Variants in GNA14 observed in about 807,000 individuals in gnomAD.
The protein encoded by GNA14 is guanine nucleotide-binding protein subunit alpha-14.
A neutral mutation model predicts 42.0 loss-of-function variants in GNA14; 50 were observed. The observed-to-expected ratio is 1.19, with a 90% CI of 0.95 to 1.51. GNA14 has a LOEUF of 1.51. Ranked by LOEUF, GNA14 falls within the 40% of genes most tolerant of loss-of-function variation. The pLI is 0.00. For synonymous variants in GNA14, 173 were observed against 163.1 expected (o/e 1.06, Z -0.46); for missense variants, 473 against 446.2 (o/e 1.06, Z -0.54).
intron 1 of GNA14, among the ~76,000 whole-genome samples, chr9:77,574,579 T>C (rs1823102689): frequency 6.6e-6 from 1 of 152,216 alleles, no homozygotes. Flanking sequence ...ATTTCTTTTT[T>C]CACTTAAAAT....
At chr9:77,473,031 A>G (rs1409315849) in intron 2 of GNA14, among the ~76,000 whole-genome samples, 3 of 152,256 alleles carry the variant, frequency 2.0e-5, no homozygotes, top group African/African-American at 7.2e-5. Context: ...TCAACATTCC[A>G]AAAATGAAAT....
rs58793395 is a variant in GNA14, at chr9:77,590,495, G to A, written c.124+57175C>T. 3.8e-3 allele frequency among the ~76,000 whole-genome samples: 581 copies of A among 152,252 alleles called. 2 individuals are homozygous for A. The highest frequency in any genetic ancestry group is 0.013 in the African/African-American group (552 of 41,526). The stretch of plus-strand genomic sequence containing the variant: ...ATCTGCTGGGAAAATGGCATGGCAT[G>A]GCTACCAGGTGTCCCACATATTCCA... On this transcript the variant is annotated intron_variant, in intron 1 of 6. Transcript: ENST00000341700.
chr9:77,500,687 A>G (rs1836951855), intron 2 of GNA14, among the ~76,000 whole-genome samples: 1 of 152,218 alleles, frequency 6.6e-6, no homozygotes, highest in African/African-American at 2.4e-5. Context: ...ATATATACAA[A>G]TGAAATCATA....
chr9:77,570,056 C>T (rs777000827), intron 1 of GNA14, among the ~76,000 whole-genome samples: 36 of 152,156 alleles, frequency 2.4e-4, no homozygotes, highest in Non-Finnish European at 3.8e-4. Context: ...TGAGCCACCA[C>T]GCAAAAATCA....
At chr9:77,427,393 G>A (rs960172216) in intron 5 of GNA14, among the ~76,000 whole-genome samples, 2 of 151,276 alleles carry the variant, frequency 1.3e-5, no homozygotes, top group African/African-American at 2.4e-5. Context: ...TTTGCACAAT[G>A]ACACAATTAA....
chr9:77,611,879 A>T (rs749764783), intron 1 of GNA14, among the ~76,000 whole-genome samples: 1 of 152,134 alleles, frequency 6.6e-6, no homozygotes, highest in Admixed American at 6.6e-5. Context: ...ACCATTGTGG[A>T]CACAAATACA....
chr9:77,468,180 G>T (rs772268725), intron 2 of GNA14, among the ~76,000 whole-genome samples: 2 of 152,140 alleles, frequency 1.3e-5, no homozygotes, highest in African/African-American at 4.8e-5. Context: ...TGGACATGGG[G>T]GCAGGGGCAT....
chr9:77,559,252 T>A (rs1291491700), intron 1 of GNA14, among the ~76,000 whole-genome samples: 1 of 152,178 alleles, frequency 6.6e-6, no homozygotes, highest in Non-Finnish European at 1.5e-5. Context: ...CCCAGAGGCA[T>A]CTCCTTGGAG....
In GNA14 at chr9:77,589,053, G is replaced by T. The variant is rs528859266; in HGVS notation, c.124+58617C>A. ...CTTTATTTATATTCCATTTCATACA[G>T]ACCCTTCAATGTATTTTTAAAAATC... On this transcript the variant is annotated intron_variant, in intron 1 of 6. Transcript: ENST00000341700. Among the ~76,000 whole-genome samples the T allele has an allele frequency of 2.0e-5, 3 of 152,264 alleles. No individual in the cohort carries two copies. In the South Asian group the frequency reaches 6.2e-4, roughly 32 times the overall value.
intron 2 of GNA14, among the ~76,000 whole-genome samples, chr9:77,481,202 C>T (rs1045185659): frequency 6.6e-6 from 1 of 152,114 alleles, no homozygotes; most frequent in Non-Finnish European, 1.5e-5. Context: ...ATAAATTTCC[C>T]TCTACTCACT....
intron 2 of GNA14, among the ~76,000 whole-genome samples, chr9:77,502,952 C>A (rs570172367): frequency 6.6e-6 from 1 of 152,016 alleles, no homozygotes; most frequent in South Asian, 2.1e-4. Flanking sequence ...TGTCTGTGCC[C>A]CTTGCTGTTT....
intron 2 of GNA14, among the ~76,000 whole-genome samples, chr9:77,474,012 T>C (rs1361969750): frequency 1.3e-5 from 2 of 152,132 alleles, no homozygotes; most frequent in Non-Finnish European, 2.9e-5. Context: ...TAACTCAAAA[T>C]AGATCATTTA....
chr9:77,512,046 G>A (rs1027431989), intron 2 of GNA14, among the ~76,000 whole-genome samples: 1 of 152,058 alleles, frequency 6.6e-6, no homozygotes, highest in African/African-American at 2.4e-5. Flanking sequence ...GAAATGGCTC[G>A]AGGTGACAGA....
intron 1 of GNA14, among the ~76,000 whole-genome samples, chr9:77,582,718 T>C (rs371851386): frequency 7.9e-5 from 12 of 152,250 alleles, no homozygotes; most frequent in African/African-American, 2.9e-4. Flanking sequence ...CGGTCTGATA[T>C]ACAGACTGAT....
At chr9:77,599,183 C>T (rs1018273688) in intron 1 of GNA14, among the ~76,000 whole-genome samples, 5 of 152,086 alleles carry the variant, frequency 3.3e-5, no homozygotes, top group Admixed American at 2.0e-4. Flanking sequence ...AGATTGTTAC[C>T]AGATGTAAAG....
In GNA14 at chr9:77,580,422, C is replaced by T. The variant is rs553658787; in HGVS notation, c.125-51169G>A. On this transcript the variant is annotated intron_variant, in intron 1 of 6. Transcript: ENST00000341700. ...CATTGTGGAGAAGTTGTCTAGCCTT[C>T]TGTTCCAGAAAATCCAGTACAGCAT... The T allele has an allele frequency of 2.0e-3, 621 of 309,706 alleles. 3 individuals carry two copies. Among genetic ancestry groups the T allele is most frequent in the Non-Finnish European group, 3.2e-3 (474 of 146,888 alleles). 19.2% of individuals were successfully genotyped at this position (309,706 alleles called of 1,614,324 possible).
intron 1 of GNA14, among the ~76,000 whole-genome samples, chr9:77,546,461 T>G (rs1837722003): frequency 6.6e-6 from 1 of 152,096 alleles, no homozygotes; most frequent in African/African-American, 2.4e-5. Context: ...GAGAAAAATT[T>G]CTTTTCTGGC....
At chr9:77,606,878 AG>A (rs1400316729) in intron 1 of GNA14, among the ~76,000 whole-genome samples, 1 of 152,192 alleles carries the variant, frequency 6.6e-6, no homozygotes, top group African/African-American at 2.4e-5. Context: ...ATGAGGATGC[AG>A]ACGCCAGGTT....
At position 77,603,731 on chromosome 9, in the gene GNA14, C is replaced by T. The variant is rs533021445; in HGVS notation, c.124+43939G>A. Among the ~76,000 whole-genome samples the T allele has an allele frequency of 8.6e-5, 13 of 151,810 alleles. No homozygotes were observed. The East Asian group carries it at 1.2e-3, about 14-fold the overall frequency. Reference sequence around the variant, plus strand: ...CTGTAATCCCAGCACTTTGGGAGGCCGAGGAGGGCAGATCACGAGGTCAGG... The same window carrying T: ...CTGTAATCCCAGCACTTTGGGAGGCTGAGGAGGGCAGATCACGAGGTCAGG... On this transcript the variant is annotated intron_variant, in intron 1 of 6. Coordinates refer to ENST00000341700, the MANE Select transcript of GNA14 (RefSeq NM_004297.4).
Sources: gnomAD v4.1 joint callset for allele counts (sites outside exome capture counted in the v4.1 genomes callset) on GRCh38, gnomAD v4.1.1 for gene constraint, MANE v1.5 for transcripts, NCBI Gene and HGNC (gene_info 2026-07-23, HGNC 2026-07-21) for gene names.